NRCAM: variants seen among roughly 807,000 people sequenced by gnomAD.
NRCAM encodes NgCAM-related cell adhesion molecule.
A neutral mutation model predicts 156.5 loss-of-function variants in NRCAM; 83 were observed. The observed-to-expected ratio is 0.53, with a 90% CI of 0.44 to 0.64. NRCAM has a LOEUF of 0.64. NRCAM is among the 30% of genes least tolerant of loss of function. NRCAM has a pLI of 0.00. For synonymous variants in NRCAM, 538 were observed against 563.9 expected, an observed-to-expected ratio of 0.95 and a Z score of 0.65; for missense variants, 1,417 against 1,597.3, an observed-to-expected ratio of 0.89 and a Z score of 1.92.
chr7:108,212,860 C>T (rs985843132), intron 11 of NRCAM, among the ~76,000 whole-genome samples: 1 of 152,106 alleles, frequency 6.6e-6, no homozygotes, highest in African/African-American at 2.4e-5. Flanking sequence ...TCTGGCCTTG[C>T]TAGGGACCTA....
At chr7:108,315,131 T>A (rs913663614) in intron 2 of NRCAM, among the ~76,000 whole-genome samples, 1 of 152,146 alleles carries the variant, frequency 6.6e-6, no homozygotes, top group Non-Finnish European at 1.5e-5. Flanking sequence ...TCTGCACAAG[T>A]ATGTATTTGT....
chr7:108,151,839 C>T (rs1280958856), intron 32 of NRCAM, among the ~76,000 whole-genome samples: 1 of 152,146 alleles, frequency 6.6e-6, no homozygotes, highest in African/African-American at 2.4e-5. Flanking sequence ...AGTTCAATAA[C>T]AGGCAGAATT....
At chr7:108,385,291 A>G (rs1343317897) in intron 2 of NRCAM, among the ~76,000 whole-genome samples, 1 of 152,194 alleles carries the variant, frequency 6.6e-6, no homozygotes. Context: ...CTAGGAGGCG[A>G]TCATAACACC....
At chr7:108,365,644 A>G (rs2099587319) in intron 2 of NRCAM, among the ~76,000 whole-genome samples, 1 of 152,206 alleles carries the variant, frequency 6.6e-6, no homozygotes, top group Non-Finnish European at 1.5e-5. Context: ...AAAACCACAC[A>G]GCTAAAACAT....
At chr7:108,236,855 G>A (rs760034092) in intron 5 of NRCAM, among the ~76,000 whole-genome samples, 3 of 152,046 alleles carry the variant, frequency 2.0e-5, no homozygotes, top group Non-Finnish European at 4.4e-5. Context: ...TCTTAGGAGT[G>A]ACTCAGTTCA....
At chr7:108,264,298 G>A (rs2097002820) in intron 3 of NRCAM, among the ~76,000 whole-genome samples, 1 of 152,098 alleles carries the variant, frequency 6.6e-6, no homozygotes, top group African/African-American at 2.4e-5. Flanking sequence ...TCTACTTCCT[G>A]TGTAAAGCCC....
intron 1 of NRCAM, among the ~76,000 whole-genome samples, chr7:108,404,071 T>A (rs570500015): frequency 3.2e-4 from 48 of 152,258 alleles, no homozygotes; most frequent in South Asian, 2.1e-3. Context: ...CCCAGAGCAA[T>A]TTAACCCAGC....
Position 108,184,673 on chromosome 7 carries a change from G to A in NRCAM, c.2036-59C>T. 3.4e-6 allele frequency: 5 copies of A among 1,483,556 alleles called. No individual in the cohort carries two copies. The South Asian group carries it at 4.9e-5, about 15-fold the overall frequency. 91.9% of individuals were successfully genotyped at this position (1,483,556 alleles called of 1,614,324 possible). A position where few individuals can be genotyped will look rare whatever the true frequency, so the allele number is the denominator to read the frequency against. ...CGTGAATTCAGTCAACTCAGGGGTA[G>A]CTGCCAGCAATAACTAACAGGGCAA... On this transcript the variant is annotated intron_variant, in intron 20 of 32. Transcript: ENST00000379028.
chr7:108,333,693 TA>T (rs2099149711), intron 2 of NRCAM, among the ~76,000 whole-genome samples: 1 of 152,192 alleles, frequency 6.6e-6, no homozygotes, highest in African/African-American at 2.4e-5. Flanking sequence ...TATAGAACCC[TA>T]ACCCAAGAAA....
chr7:108,318,122 C>T (rs7794854), intron 2 of NRCAM, among the ~76,000 whole-genome samples: 80,510 of 142,210 alleles, frequency 0.57, 23,542 homozygotes, highest in East Asian at 0.82. Flanking sequence ...CTTGGCTCAC[C>T]GCAAGCTCTG....
intron 17 of NRCAM, among the ~76,000 whole-genome samples, chr7:108,193,751 T>C (rs2073505979): frequency 6.6e-6 from 1 of 152,214 alleles, no homozygotes; most frequent in South Asian, 2.1e-4. Context: ...CAATGGATGC[T>C]GTCCAGGCCT....
chr7:108,180,367 T>A lies in NRCAM; in HGVS notation c.2707A>T (p.Ile903Phe), dbSNP rs773312796. The change falls in exon 25 of 33, where the codon ATC (isoleucine) becomes TTC (phenylalanine). Residue 903 changes from isoleucine (I) to phenylalanine (F), a missense_variant. Physicochemically the swap from Ile to Phe is conservative, Grantham distance 21. Around this residue, in one of 2 missense-constraint regions of NRCAM, gnomAD observed 1,238 missense variants for 1,336.4 expected, o/e 0.93. Coordinates refer to ENST00000379028, the MANE Select transcript of NRCAM (RefSeq NM_001037132.4). Reference protein sequence around the residue: ...KRNRRHIEKKILTFQGSKTHG... With the variant: ...KRNRRHIEKKFLTFQGSKTHG... ...GTCTTGCTGCCTTGGAAGGTGAGGATCTTTTTCTCAATGTGACGTCTGTTT... is the reference window on the plus strand; with the variant it reads ...GTCTTGCTGCCTTGGAAGGTGAGGAACTTTTTCTCAATGTGACGTCTGTTT... The A allele has an allele frequency of 6.2e-7, 1 of 1,614,250 alleles. No individual in the cohort carries two copies. Among genetic ancestry groups the A allele is most frequent in the Admixed American group, 1.7e-5 (1 of 60,032 alleles).
At chr7:108,258,551 G>A (rs1183695912) in intron 3 of NRCAM, among the ~76,000 whole-genome samples, 1 of 152,216 alleles carries the variant, frequency 6.6e-6, no homozygotes, top group African/African-American at 2.4e-5. Context: ...AAATGATAAA[G>A]TAAAAAGAGG....
intron 4 of NRCAM, among the ~76,000 whole-genome samples, chr7:108,238,621 G>T (rs1386389268): frequency 1.3e-5 from 2 of 152,092 alleles, no homozygotes; most frequent in Non-Finnish European, 2.9e-5. Context: ...TGAACAGTCA[G>T]ATTAAGGGGG....
intron 2 of NRCAM, among the ~76,000 whole-genome samples, chr7:108,323,341 A>T (rs1398665318): frequency 6.6e-6 from 1 of 152,092 alleles, no homozygotes; most frequent in Non-Finnish European, 1.5e-5. Flanking sequence ...ACATTTTTTC[A>T]TTATTCTCCA....
At chr7:108,291,052 A>T (rs868508094) in intron 3 of NRCAM, among the ~76,000 whole-genome samples, 5 of 152,172 alleles carry the variant, frequency 3.3e-5, no homozygotes, top group African/African-American at 1.2e-4. Flanking sequence ...CACATTTCCA[A>T]TGCGAAAACC....
At chr7:108,258,018 C>T (rs1257219028) in intron 3 of NRCAM, among the ~76,000 whole-genome samples, 1 of 152,132 alleles carries the variant, frequency 6.6e-6, no homozygotes, top group African/African-American at 2.4e-5. Flanking sequence ...CAAAAATAAG[C>T]CACCAAAAGT....
chr7:108,299,132 A>AAGAC (rs1411419503), intron 3 of NRCAM, among the ~76,000 whole-genome samples: 4,034 of 109,760 alleles, frequency 0.037, 169 homozygotes, highest in East Asian at 0.055. Context: ...GAAAGAAAGA[A>AAGAC]AGAAAGAAAA....
intron 2 of NRCAM, among the ~76,000 whole-genome samples, chr7:108,347,922 T>A (rs370565951): frequency 6.6e-6 from 1 of 152,096 alleles, no homozygotes; most frequent in African/African-American, 2.4e-5. Flanking sequence ...TAAACCCGCC[T>A]CCTCTCCACC....
Sources: allele counts gnomAD v4.1 joint callset (sites outside exome capture counted in the v4.1 genomes callset), GRCh38; gene constraint gnomAD v4.1.1; regional missense constraint gnomAD v4.1.1; transcripts MANE v1.5; gene names NCBI Gene and HGNC (gene_info 2026-07-23, HGNC 2026-07-21).